Variants in KHDRBS2 observed in about 807,000 individuals in gnomAD.
The protein encoded by KHDRBS2 is KH RNA binding domain containing, signal transduction associated 2.
In KHDRBS2, 26 loss-of-function variants were observed where a neutral mutation model predicts 44.3. The ratio of observed to expected loss-of-function variants is 0.59; its 90% CI spans 0.43 to 0.81. KHDRBS2 has a LOEUF of 0.81. Ranked by LOEUF, KHDRBS2 falls within the 40% of genes least tolerant of loss-of-function variation. KHDRBS2 has a pLI of 0.00. For missense variants in KHDRBS2, 476 were observed against 433.1 expected, an observed-to-expected ratio of 1.10 and a Z score of -0.88; for synonymous variants, 194 against 151.1, an observed-to-expected ratio of 1.28 and a Z score of -2.08.
chr6:61,870,283 C>T (rs932865478), intron 6 of KHDRBS2, among the ~76,000 whole-genome samples: 3 of 152,102 alleles, frequency 2.0e-5, no homozygotes, highest in Non-Finnish European at 2.9e-5. Context: ...CTGGGAAGTT[C>T]GAACGGGACG....
chr6:61,662,211 C>G, the KHDRBS2 span, among the ~76,000 whole-genome samples: 2 of 152,050 alleles, frequency 1.3e-5, no homozygotes, highest in African/African-American at 4.8e-5. Context: ...AAAGCTGAAA[C>G]TGGACCCCTT....
chr6:61,811,892 T>C (rs1788183762), intron 6 of KHDRBS2, among the ~76,000 whole-genome samples: 1 of 152,118 alleles, frequency 6.6e-6, no homozygotes, highest in Non-Finnish European at 1.5e-5. Context: ...TTTACACTTA[T>C]TCCAGTTCCA....
intron 6 of KHDRBS2, among the ~76,000 whole-genome samples, chr6:61,826,866 C>G (rs774028249): frequency 6.6e-6 from 1 of 152,028 alleles, no homozygotes; most frequent in Admixed American, 6.6e-5. Flanking sequence ...GTGTGAGTTA[C>G]AGAACCCAAA....
chr6:61,575,089 C>T, the KHDRBS2 span, among the ~76,000 whole-genome samples: 3 of 152,072 alleles, frequency 2.0e-5, no homozygotes, highest in Non-Finnish European at 4.4e-5. Flanking sequence ...AAAGCAAATA[C>T]AACAAAAACA....
intron 4 of KHDRBS2, among the ~76,000 whole-genome samples, chr6:61,903,512 A>G (rs1374496323): frequency 6.6e-6 from 1 of 152,192 alleles, no homozygotes; most frequent in Admixed American, 6.5e-5. Context: ...GAAGAAGAAG[A>G]ATGAGGAATA....
At chr6:61,966,324 T>C (rs1239208819) in intron 4 of KHDRBS2, among the ~76,000 whole-genome samples, 2 of 152,176 alleles carry the variant, frequency 1.3e-5, no homozygotes, top group East Asian at 1.9e-4. Context: ...ATATAGATCA[T>C]ATAATTTTCT....
At chr6:61,582,197 G>A in the KHDRBS2 span, among the ~76,000 whole-genome samples, 335 of 151,602 alleles carry the variant, frequency 2.2e-3, 2 homozygotes, top group African/African-American at 7.8e-3. Flanking sequence ...TTAGACAAAA[G>A]TAATAAACCA....
At chr6:61,724,154 C>T (rs1043690711) in intron 7 of KHDRBS2, among the ~76,000 whole-genome samples, 7 of 151,956 alleles carry the variant, frequency 4.6e-5, no homozygotes, top group Non-Finnish European at 8.8e-5. Context: ...AGATTGGGGG[C>T]CAATATTCAA....
intron 2 of KHDRBS2, among the ~76,000 whole-genome samples, chr6:62,167,268 CAT>C (rs1818890914): frequency 6.6e-6 from 1 of 151,944 alleles, no homozygotes; most frequent in Non-Finnish European, 1.5e-5. Flanking sequence ...AAATCAAGGA[CAT>C]ATTCGTAAGG....
At chr6:62,181,026 CA>C (rs58140494) in intron 1 of KHDRBS2, among the ~76,000 whole-genome samples, 109,089 of 138,206 alleles carry the variant, frequency 0.79, 42,299 homozygotes, top group African/African-American at 0.9. Context: ...TTACACTGCA[CA>C]AAAAAAAAAA....
intron 1 of KHDRBS2, among the ~76,000 whole-genome samples, chr6:62,281,829 G>A (rs1307870215): frequency 7.9e-5 from 12 of 152,056 alleles, no homozygotes; most frequent in African/African-American, 2.9e-4. Context: ...TTTCCCAGTA[G>A]GTAGAAGTGT....
the KHDRBS2 span, among the ~76,000 whole-genome samples, chr6:61,645,141 A>AATG: frequency 6.6e-6 from 1 of 152,172 alleles, no homozygotes; most frequent in Non-Finnish European, 1.5e-5. Flanking sequence ...AGCCATAAAA[A>AATG]ATGAGATCCT....
At chr6:61,758,138 C>T (rs1198111240) in intron 6 of KHDRBS2, among the ~76,000 whole-genome samples, 1 of 152,086 alleles carries the variant, frequency 6.6e-6, no homozygotes, top group Admixed American at 6.6e-5. Flanking sequence ...GGTTCCTCCT[C>T]ACTATGTCAT....
At position 61,883,909 on chromosome 6, in the gene KHDRBS2, CTCTAACAAAA is replaced by C. The variant is rs1800552613; in HGVS notation, c.810+10716_810+10725del. 6.6e-5 allele frequency among the ~76,000 whole-genome samples: 10 copies of C among 152,056 alleles called. No individual in the cohort carries two copies. In the South Asian group the frequency reaches 2.1e-3, roughly 31 times the overall value. On this transcript the variant is annotated intron_variant, in intron 6 of 8. Coordinates refer to ENST00000281156, the MANE Select transcript of KHDRBS2 (RefSeq NM_152688.4). ...GGAATACAAATATCCAGTCTAAAAA[CTCTAACAAAA>C]TCTGCTTTCTTTGGGTAAAGGCTCT...
chr6:62,017,328 A>G (rs1781394561), intron 3 of KHDRBS2, among the ~76,000 whole-genome samples: 1 of 152,158 alleles, frequency 6.6e-6, no homozygotes, highest in Non-Finnish European at 1.5e-5. Context: ...ATAAAATCCT[A>G]TAAGAGGAGT....
the KHDRBS2 span, among the ~76,000 whole-genome samples, chr6:61,581,093 TC>T: frequency 6.6e-6 from 1 of 152,122 alleles, no homozygotes; most frequent in African/African-American, 2.4e-5. Flanking sequence ...CAATAGGAAT[TC>T]CCCTTTTCTA....
intron 8 of KHDRBS2, among the ~76,000 whole-genome samples, chr6:61,692,605 A>G (rs185755090): frequency 6.6e-6 from 1 of 152,250 alleles, no homozygotes; most frequent in Admixed American, 6.5e-5. Flanking sequence ...AAGGAGACAA[A>G]TACAATTTCA....
At chr6:61,608,300 G>A in the KHDRBS2 span, among the ~76,000 whole-genome samples, 1 of 129,434 alleles carries the variant, frequency 7.7e-6, no homozygotes, top group Non-Finnish European at 1.6e-5. Context: ...CCCTTTATAT[G>A]TGTGTATATA....
At chr6:62,180,030 C>T (rs1010581828) in intron 1 of KHDRBS2, among the ~76,000 whole-genome samples, 8 of 151,722 alleles carry the variant, frequency 5.3e-5, no homozygotes, top group African/African-American at 1.2e-4. Context: ...CATGTCTCTG[C>T]GAAGGACATG....
Sources: gnomAD v4.1 joint callset for allele counts (sites outside exome capture counted in the v4.1 genomes callset) on GRCh38, gnomAD v4.1.1 for gene constraint, MANE v1.5 for transcripts, NCBI Gene and HGNC (gene_info 2026-07-23, HGNC 2026-07-21) for gene names.